Variants in ADGRE1 observed in about 807,000 individuals in gnomAD.
ADGRE1 encodes the protein adhesion G protein-coupled receptor E1.
ADGRE1 carries 82 observed loss-of-function variants against 102.7 expected under a neutral mutation model. That is an observed-to-expected ratio of 0.80 (90% CI 0.67 to 0.96). The LOEUF is 0.96. Among genes scored for constraint, ADGRE1 ranks in the 40% least tolerant of loss-of-function variants. The probability of loss-of-function intolerance (pLI) is 0.00; values close to 1 mark genes in which losing one functional copy is unlikely to be tolerated. For synonymous variants in ADGRE1, 398 were observed against 399.6 expected, an observed-to-expected ratio of 1.00 and a Z score of 0.05; for missense variants, 1,032 against 1,085.3, an observed-to-expected ratio of 0.95 and a Z score of 0.69.
chr19:6,937,138 G>A, intron 18 of ADGRE1, 105 bp from the exon 19 acceptor site: 2 of 1,315,262 alleles, frequency 1.5e-6, no homozygotes, highest in East Asian at 2.3e-5. Flanking sequence ...TCCACACCTA[G>A]GTGGCAAATT....
At chr19:6,928,454 C>T (rs1018908002) in intron 17 of ADGRE1, 3 of 884,258 alleles carry the variant, frequency 3.4e-6, no homozygotes, top group African/African-American at 3.4e-5. Context: ...GGCGAAACCC[C>T]ATCTCTGCTA....
At chr19:6,908,882 C>A (rs1183663556) in intron 10 of ADGRE1, 110 bp downstream of exon 10, 14 of 987,962 alleles carry the variant, frequency 1.4e-5, no homozygotes, top group Middle Eastern at 4.6e-4. Flanking sequence ...ACCCATAATC[C>A]CAGCACTTTG....
intron 3 of ADGRE1, 90 bp downstream of exon 3, chr19:6,896,631 C>T: frequency 6.9e-7 from 1 of 1,444,070 alleles, no homozygotes; most frequent in African/African-American, 1.4e-5. Flanking sequence ...CTCCCCCACC[C>T]CCCATTTTTT....
rs200154426 is a variant in ADGRE1 at position 6,924,871 on chromosome 19, A to T, written c.1985A>T (p.Lys662Met). The change falls in exon 15 of 21, where the codon AAG becomes ATG. Residue 662 changes from lysine (K) to methionine (M), a missense_variant and splice_region_variant. Lys to Met is a moderately conservative substitution (Grantham distance 95). Transcript: ENST00000312053. ...FLAGIHKTDN[K>M]MGCAIIAGFL... ...GCCGGTATACACAAGACTGACAACA[A>T]GGTCTACATCGCTCGGGCTGTGTCC... The T allele has an allele frequency of 3.8e-4, 616 of 1,613,828 alleles. 1 individual carries two copies. The highest frequency in any genetic ancestry group is 5.1e-4 in the Non-Finnish European group (605 of 1,179,950).
In ADGRE1 at chr19:6,940,301, G is replaced by A. The variant is rs1307216784; in HGVS notation, c.*272G>A. On this transcript the variant is annotated 3_prime_UTR_variant, in exon 21 of 21. Coordinates refer to ENST00000312053, the MANE Select transcript of ADGRE1 (RefSeq NM_001974.5). ...TTCTGAGAACAGACCCAAATTCAATGGCATGACCAAGAACACCTGGCTACC... is the reference window on the plus strand; with the variant it reads ...TTCTGAGAACAGACCCAAATTCAATAGCATGACCAAGAACACCTGGCTACC... The A allele has an allele frequency of 9.1e-6, 5 of 549,222 alleles. No homozygotes were observed. The highest frequency in any genetic ancestry group is 1.6e-5 in the Non-Finnish European group (5 of 307,806). The allele number at this position is 549,222 out of a possible 1,614,324, so 34.0% of individuals were successfully genotyped here.
rs201105150 is a variant in ADGRE1 at position 6,897,463 on chromosome 19, G to T, written c.430G>T (p.Glu144Ter). 5.2e-5 allele frequency: 84 copies of T among 1,600,582 alleles called. No individual in the cohort carries two copies. Among genetic ancestry groups the T allele is most frequent in the Admixed American group, 3.5e-5 (2 of 56,936 alleles). Residue 144 changes from glutamate (E) to a stop codon, truncating the protein, a stop_gained, in exon 5 of 21, where the codon GAG becomes TAG. Coordinates refer to ENST00000312053, the MANE Select transcript of ADGRE1 (RefSeq NM_001974.5). LOFTEE classifies it high-confidence loss of function. The stretch of plus-strand genomic sequence containing the variant: ...GTGCCTCACCAGCAGCGTCTGCCCT[G>T]AGCATTCTGACTGTGTCAACTCCAT... The part of the protein sequence containing the change: ...NECLTSSVCP[E>*]HSDCVNSMGS...
intron 2 of ADGRE1, among the ~76,000 whole-genome samples, chr19:6,893,543 C>T (rs75221674): frequency 6.6e-6 from 1 of 152,310 alleles, no homozygotes; most frequent in Non-Finnish European, 1.5e-5. Flanking sequence ...CTATTGAGTA[C>T]ATATACGACA....
Position 6,889,161 on chromosome 19 carries a change from A to T in ADGRE1, c.32-1320A>T, listed in dbSNP as rs117685628. Among the ~76,000 whole-genome samples, 102 of 151,180 alleles carry T rather than the reference A, an allele frequency of 6.7e-4. 2 individuals are homozygous for T. The East Asian group carries it at 0.018, about 26-fold the overall frequency. On this transcript the variant is annotated intron_variant, in intron 1 of 20. Coordinates refer to ENST00000312053, the MANE Select transcript of ADGRE1 (RefSeq NM_001974.5). ...GATAATGATGATGATGGTGGTGATGATGGTGTGATAATGACGATGAAGATG... is the reference window on the plus strand; with the variant it reads ...GATAATGATGATGATGGTGGTGATGTTGGTGTGATAATGACGATGAAGATG...
intron 13 of ADGRE1, 124 bp downstream of exon 13, chr19:6,919,871 C>G: frequency 1.2e-6 from 1 of 822,872 alleles, no homozygotes; most frequent in South Asian, 1.7e-5. Flanking sequence ...CAATTTCCAG[C>G]AATTCAAGCC....
intron 18 of ADGRE1, among the ~76,000 whole-genome samples, chr19:6,936,626 GTTTTT>G (rs34730751): frequency 7.8e-6 from 1 of 127,648 alleles, no homozygotes. Flanking sequence ...GCAAATCCTT[GTTTTT>G]TTTTTTTTTT....
intron 17 of ADGRE1, among the ~76,000 whole-genome samples, chr19:6,933,306 G>GA (rs1428751766): frequency 6.6e-6 from 1 of 151,844 alleles, no homozygotes; most frequent in African/African-American, 2.4e-5. Context: ...TACTCATCTG[G>GA]AAAAAATAAT....
chr19:6,939,363 T>C (rs1055928438), intron 20 of ADGRE1, among the ~76,000 whole-genome samples: 1 of 152,160 alleles, frequency 6.6e-6, no homozygotes, highest in African/African-American at 2.4e-5. Flanking sequence ...CAGTGAGTCA[T>C]ATTTTTGGAT....
At chr19:6,927,807 G>A (rs928766383) in intron 16 of ADGRE1, among the ~76,000 whole-genome samples, 29 of 152,058 alleles carry the variant, frequency 1.9e-4, no homozygotes, top group Admixed American at 9.2e-4. Flanking sequence ...GATTACAGGC[G>A]TGAGACCCCA....
intron 10 of ADGRE1, among the ~76,000 whole-genome samples, chr19:6,911,172 C>T (rs925521259): frequency 3.3e-5 from 5 of 152,082 alleles, no homozygotes; most frequent in African/African-American, 7.2e-5. Context: ...GATTACAGAG[C>T]TCAGGGCTTC....
rs1599724747 is a variant in ADGRE1, at chr19:6,903,964, T to C, written c.802+14T>C. ...TGGAATGTAGAGGTGAGCAGAGAGT[T>C]TGATGGACAATCCAGAAAAGACATT... On this transcript the variant is annotated intron_variant, in intron 7 of 20. Coordinates refer to ENST00000312053, the MANE Select transcript of ADGRE1 (RefSeq NM_001974.5). 6.2e-6 allele frequency: 10 copies of C among 1,614,162 alleles called. No individual in the cohort carries two copies. The highest frequency in any genetic ancestry group is 8.5e-6 in the Non-Finnish European group (10 of 1,180,022).
At chr19:6,912,460 A>G (rs1291904849) in intron 10 of ADGRE1, among the ~76,000 whole-genome samples, 1 of 152,252 alleles carries the variant, frequency 6.6e-6, no homozygotes, top group South Asian at 2.1e-4. Context: ...ACAAGTTAAT[A>G]TATAAAAGAC....
At chr19:6,927,285 T>TTCCCTCCCTCCCTCTCTTCC (rs1974961871) in intron 16 of ADGRE1, among the ~76,000 whole-genome samples, 1 of 69,536 alleles carries the variant, frequency 1.4e-5, no homozygotes, top group Non-Finnish European at 2.8e-5. Context: ...CTTCCTTCCC[T>TTCCCTCCCTCCCTCTCTTCC]TCCCTCCCTC....
rs140292485 is a variant in ADGRE1 at position 6,901,861 on chromosome 19, C to A, written c.515-14C>A. The stretch of plus-strand genomic sequence containing the variant: ...TCATTTACCTTGACCTGGGTTTTCT[C>A]TTCCACTCTTCAGACGTGGATGAAT... On this transcript the variant is annotated splice_polypyrimidine_tract_variant and intron_variant, in intron 5 of 20. Coordinates refer to ENST00000312053, the MANE Select transcript of ADGRE1 (RefSeq NM_001974.5). 3.3e-4 allele frequency: 526 copies of A among 1,613,474 alleles called. 5 individuals are homozygous for A. The African/African-American group carries it at 6.4e-3, about 20-fold the overall frequency.
chr19:6,932,431 G>C (rs1453765665), intron 17 of ADGRE1, among the ~76,000 whole-genome samples: 3 of 152,120 alleles, frequency 2.0e-5, no homozygotes, highest in Non-Finnish European at 4.4e-5. Context: ...TGGCGCCACT[G>C]CCCTCCAGCC....
Sources: gnomAD v4.1 joint callset for allele counts (sites outside exome capture counted in the v4.1 genomes callset) on GRCh38, gnomAD v4.1.1 for gene constraint, MANE v1.5 for transcripts, NCBI Gene and HGNC (gene_info 2026-07-23, HGNC 2026-07-21) for gene names.